Variants in DCC observed in about 807,000 individuals in gnomAD.
DCC encodes DCC netrin 1 receptor.
DCC carries 58 observed loss-of-function variants against 172.5 expected under a neutral mutation model. The observed-to-expected ratio is 0.34, with a 90% CI of 0.27 to 0.42. DCC has a LOEUF of 0.42. DCC is among the 10% of genes least tolerant of loss of function. DCC has a pLI of 1.00. For missense variants in DCC, 1,740 were observed against 1,791.0 expected (o/e 0.97, Z 0.51); for synonymous variants, 709 against 644.5 (o/e 1.10, Z -1.52).
chr18:52,610,181 ATATATATATATATATAT>A (rs1568254238), intron 1 of DCC, among the ~76,000 whole-genome samples: 202 of 9,888 alleles, frequency 0.02, 12 homozygotes, highest in Non-Finnish European at 0.027. Flanking sequence ...AAAAAAAAAT[ATATATATATATATATAT>A]ATATATATAT....
At chr18:53,160,898 TA>T (rs1163699761) in intron 8 of DCC, among the ~76,000 whole-genome samples, 1 of 152,184 alleles carries the variant, frequency 6.6e-6, no homozygotes, top group East Asian at 1.9e-4. Flanking sequence ...CAAATTTCCA[TA>T]AAACAACTGC....
chr18:52,419,799 C>T (rs1325730810), intron 1 of DCC, among the ~76,000 whole-genome samples: 3 of 151,922 alleles, frequency 2.0e-5, no homozygotes, highest in Non-Finnish European at 4.4e-5. Context: ...ATTTTTTCTT[C>T]CTCTGAATGT....
intron 1 of DCC, among the ~76,000 whole-genome samples, chr18:52,677,866 C>A (rs1186092884): frequency 6.6e-6 from 1 of 152,132 alleles, no homozygotes; most frequent in Admixed American, 6.6e-5. Context: ...ACTTTTTCTT[C>A]TACAACTTGT....
At chr18:53,135,919 C>G (rs1755218043) in intron 7 of DCC, among the ~76,000 whole-genome samples, 1 of 152,118 alleles carries the variant, frequency 6.6e-6, no homozygotes. Flanking sequence ...TAGCAAGCAA[C>G]TTCTATTGAT....
intron 12 of DCC, among the ~76,000 whole-genome samples, chr18:53,303,307 G>A (rs2057161594): frequency 6.6e-6 from 1 of 152,122 alleles, no homozygotes; most frequent in Non-Finnish European, 1.5e-5. Flanking sequence ...TTATCCTGTT[G>A]ATGGATGGAT....
intron 7 of DCC, among the ~76,000 whole-genome samples, chr18:53,119,653 C>T (rs1272942094): frequency 6.6e-6 from 1 of 151,860 alleles, no homozygotes; most frequent in Non-Finnish European, 1.5e-5. Context: ...GGTTCTAAGT[C>T]TAAACATGTG....
intron 12 of DCC, among the ~76,000 whole-genome samples, chr18:53,216,320 T>G (rs771812280): frequency 4.6e-5 from 7 of 152,210 alleles, no homozygotes; most frequent in Non-Finnish European, 8.8e-5. Context: ...CTGGCCACTA[T>G]GCTTGGACCT....
chr18:53,373,484 C>T (rs1423172703), intron 15 of DCC, among the ~76,000 whole-genome samples: 2 of 152,074 alleles, frequency 1.3e-5, no homozygotes, highest in Non-Finnish European at 2.9e-5. Context: ...AATCACATGT[C>T]CTAATGCTAT....
chr18:52,822,178 TATAAG>T (rs1238921174), intron 2 of DCC, among the ~76,000 whole-genome samples: 5 of 152,224 alleles, frequency 3.3e-5, no homozygotes, highest in African/African-American at 1.2e-4. Context: ...CCCATGAAAA[TATAAG>T]ACTAAATCTT....
chr18:52,577,884 A>G (rs1244546224), intron 1 of DCC, among the ~76,000 whole-genome samples: 3 of 152,222 alleles, frequency 2.0e-5, no homozygotes, highest in African/African-American at 7.2e-5. Context: ...AAGTAGTTGG[A>G]CAGCGATTTA....
chr18:52,785,244 C>A (rs2037633835), intron 2 of DCC, among the ~76,000 whole-genome samples: 1 of 152,058 alleles, frequency 6.6e-6, no homozygotes, highest in Admixed American at 6.6e-5. Flanking sequence ...GAGCTGCTAT[C>A]TTTAACATGT....
intron 1 of DCC, among the ~76,000 whole-genome samples, chr18:52,353,767 TG>T (rs1351603359): frequency 1.3e-5 from 2 of 152,188 alleles, no homozygotes; most frequent in Non-Finnish European, 2.9e-5. Flanking sequence ...CTGCGCAGAT[TG>T]GATCAATCTG....
chr18:53,105,268 C>A (rs886113223), intron 7 of DCC, among the ~76,000 whole-genome samples: 9 of 151,984 alleles, frequency 5.9e-5, no homozygotes, highest in African/African-American at 2.2e-4. Flanking sequence ...CAAGCATCTT[C>A]TTGGGATACC....
intron 5 of DCC, among the ~76,000 whole-genome samples, chr18:52,995,288 T>C (rs1165340283): frequency 6.6e-6 from 1 of 152,080 alleles, no homozygotes; most frequent in East Asian, 1.9e-4. Flanking sequence ...CTTCTTCTTA[T>C]CCAAAGGTTA....
At chr18:52,421,897 C>G (rs1408475180) in intron 1 of DCC, among the ~76,000 whole-genome samples, 1 of 152,164 alleles carries the variant, frequency 6.6e-6, no homozygotes, top group African/African-American at 2.4e-5. Flanking sequence ...TGCCTTTATG[C>G]AAACTTCTAA....
intron 1 of DCC, among the ~76,000 whole-genome samples, chr18:52,626,884 A>C (rs2034583211): frequency 6.6e-6 from 1 of 152,186 alleles, no homozygotes; most frequent in South Asian, 2.1e-4. Context: ...TTGTAAGGAC[A>C]AAAAATGTGA....
At chr18:52,455,614 A>G (rs781313500) in intron 1 of DCC, among the ~76,000 whole-genome samples, 11 of 152,206 alleles carry the variant, frequency 7.2e-5, no homozygotes, top group Non-Finnish European at 1.5e-4. Flanking sequence ...AGACCTTTAC[A>G]GGGGCAATTC....
intron 1 of DCC, among the ~76,000 whole-genome samples, chr18:52,678,340 T>C (rs929910875): frequency 6.6e-6 from 1 of 152,178 alleles, no homozygotes; most frequent in African/African-American, 2.4e-5. Flanking sequence ...CTCATGGTCT[T>C]TGGGGTAGTA....
chr18:52,360,440 A>G (rs1207470676), intron 1 of DCC, among the ~76,000 whole-genome samples: 1 of 152,234 alleles, frequency 6.6e-6, no homozygotes, highest in Non-Finnish European at 1.5e-5. Flanking sequence ...ATTGTAGTGT[A>G]AGGGAATTTT....
Sources: allele counts gnomAD v4.1 joint callset (sites outside exome capture counted in the v4.1 genomes callset), GRCh38; gene constraint gnomAD v4.1.1; transcripts MANE v1.5; gene names NCBI Gene and HGNC (gene_info 2026-07-23, HGNC 2026-07-21).